The following RBMS2 variants were observed in gnomAD, a reference collection of about 807,000 sequenced individuals.
The protein encoded by RBMS2 is RNA binding motif single stranded interacting protein 2.
In RBMS2, 38 loss-of-function variants were observed where a neutral mutation model predicts 58.4. The observed-to-expected ratio is 0.65, with a 90% CI of 0.50 to 0.85. The LOEUF is 0.85. RBMS2 is among the 40% of genes least tolerant of loss of function. The probability of loss-of-function intolerance (pLI) is 0.00; values close to 1 mark genes in which losing one functional copy is unlikely to be tolerated. For synonymous variants in RBMS2, 151 were observed against 180.7 expected (o/e 0.84, Z 1.32); for missense variants, 367 against 503.7 (o/e 0.73, Z 2.60).
chr12:56,587,204 T>C (rs1050091428), intron 10 of RBMS2, among the ~76,000 whole-genome samples: 1 of 145,668 alleles, frequency 6.9e-6, no homozygotes, highest in African/African-American at 2.6e-5. Flanking sequence ...GAGGCAGAGG[T>C]TGCAGTGAGC....
Position 56,539,637 on chromosome 12 carries a change from A to C in RBMS2, c.66+17548A>C, listed in dbSNP as rs188817483. On this transcript the variant is annotated intron_variant, in intron 1 of 13. Transcript: ENST00000262031. ...TGTTTTCTTAGTTTTATTTTATATAATAGACAGTATTTTTACATACCAGTT... is the reference window on the plus strand; with the variant it reads ...TGTTTTCTTAGTTTTATTTTATATACTAGACAGTATTTTTACATACCAGTT... 805 of 445,390 alleles carry C rather than the reference A, an allele frequency of 1.8e-3. 7 individuals carry two copies. Among genetic ancestry groups the C allele is most frequent in the African/African-American group, 0.015 (745 of 49,252 alleles). 27.6% of individuals were successfully genotyped at this position (445,390 alleles called of 1,614,324 possible).
chr12:56,573,641 G>A (rs1160010447), intron 5 of RBMS2, among the ~76,000 whole-genome samples: 1 of 151,938 alleles, frequency 6.6e-6, no homozygotes, highest in Non-Finnish European at 1.5e-5. Flanking sequence ...TTGAGCAGAG[G>A]TTCTTAACCT....
intron 4 of RBMS2, among the ~76,000 whole-genome samples, chr12:56,570,274 A>G (rs1378571284): frequency 6.6e-6 from 1 of 152,064 alleles, no homozygotes; most frequent in Non-Finnish European, 1.5e-5. Flanking sequence ...CGTGTTCCCT[A>G]TATTATTCAC....
At chr12:56,568,333 C>A in intron 2 of RBMS2, among the ~76,000 whole-genome samples, 1 of 152,150 alleles carries the variant, frequency 6.6e-6, no homozygotes, top group East Asian at 1.9e-4. Context: ...AGCTCTGCCT[C>A]TACACACTCT....
chr12:56,532,214 T>C (rs2136257428), intron 1 of RBMS2, among the ~76,000 whole-genome samples: 1 of 150,736 alleles, frequency 6.6e-6, no homozygotes, highest in Middle Eastern at 3.4e-3. Flanking sequence ...AATGAAATTC[T>C]GTCTAAAAAT....
intron 5 of RBMS2, among the ~76,000 whole-genome samples, chr12:56,578,719 C>G (rs557920919): frequency 6.6e-6 from 1 of 152,022 alleles, no homozygotes; most frequent in East Asian, 1.9e-4. Context: ...AATCCCAGCA[C>G]TTTGGGAGGC....
intron 1 of RBMS2, among the ~76,000 whole-genome samples, chr12:56,547,174 A>G (rs1325591879): frequency 6.6e-6 from 1 of 151,602 alleles, no homozygotes; most frequent in Non-Finnish European, 1.5e-5. Flanking sequence ...AACATGGTGA[A>G]ACCCCATCTC....
intron 1 of RBMS2, among the ~76,000 whole-genome samples, chr12:56,531,613 G>A (rs568584071): frequency 1.3e-5 from 2 of 151,924 alleles, no homozygotes; most frequent in Admixed American, 1.3e-4. Flanking sequence ...CGGATCAGAG[G>A]TCAGGAGTTC....
At chr12:56,537,393 G>T (rs1252035001) in intron 1 of RBMS2, among the ~76,000 whole-genome samples, 1 of 152,044 alleles carries the variant, frequency 6.6e-6, no homozygotes, top group Non-Finnish European at 1.5e-5. Flanking sequence ...TCTACTTTCT[G>T]TCTCGATGAA....
intron 1 of RBMS2, among the ~76,000 whole-genome samples, chr12:56,525,459 C>G (rs1163465870): frequency 6.6e-6 from 1 of 151,100 alleles, no homozygotes; most frequent in African/African-American, 2.4e-5. Flanking sequence ...TGGCCTCAAG[C>G]AATCTGCCTG....
intron 1 of RBMS2, chr12:56,527,759 C>G (rs1303145319): frequency 2.7e-5 from 4 of 148,516 alleles, no homozygotes; most frequent in East Asian, 2.0e-4. Context: ...GCCACCCCCC[C>G]ACCATGCCCC....
chr12:56,539,054 T>A (rs560461464), intron 1 of RBMS2, among the ~76,000 whole-genome samples: 5 of 150,930 alleles, frequency 3.3e-5, no homozygotes, highest in African/African-American at 1.2e-4. Flanking sequence ...CTTGCTCTGG[T>A]GCCCAGGCTG....
chr12:56,566,131 C>A (rs1881299333), intron 2 of RBMS2, among the ~76,000 whole-genome samples: 1 of 152,174 alleles, frequency 6.6e-6, no homozygotes, highest in South Asian at 2.1e-4. Context: ...CTGTTCCCAG[C>A]TTTCAGGGCA....
intron 1 of RBMS2, among the ~76,000 whole-genome samples, chr12:56,529,978 TAGCTTACTAA>T (rs1299375591): frequency 6.6e-6 from 1 of 152,212 alleles, no homozygotes. Context: ...GGCACAATCA[TAGCTTACTAA>T]AGCCTCAAAC....
chr12:56,565,956 G>A (rs1303330223), intron 2 of RBMS2, among the ~76,000 whole-genome samples: 1 of 152,156 alleles, frequency 6.6e-6, no homozygotes, highest in Admixed American at 6.6e-5. Flanking sequence ...ACCACAGCAA[G>A]CTCCACCCTG....
intron 5 of RBMS2, chr12:56,580,250 TAACAC>T: frequency 2.6e-6 from 1 of 386,586 alleles, no homozygotes; most frequent in Non-Finnish European, 5.0e-6. Context: ...TTTTTTTTTT[TAACAC>T]AGATTCTCGC....
chr12:56,571,667 G>A, intron 4 of RBMS2, 31 bp from the exon 5 acceptor site: 7 of 1,491,966 alleles, frequency 4.7e-6, no homozygotes, highest in South Asian at 1.3e-5. Flanking sequence ...TAAGAGATGT[G>A]AGCCTCATTT....
chr12:56,590,392 T>A lies in RBMS2; in HGVS notation c.*1259T>A, dbSNP rs1885218337. The stretch of plus-strand genomic sequence containing the variant: ...GGCAACATCTAGAGACAGTTTTGAT[T>A]GCCACGCCTGGAGGTGGGATGTGTG... On this transcript the variant is annotated 3_prime_UTR_variant, in exon 14 of 14. Coordinates refer to ENST00000262031, the MANE Select transcript of RBMS2 (RefSeq NM_002898.4). 1 of 152,138 alleles carries A rather than the reference T, an allele frequency of 6.6e-6. No individual in the cohort carries two copies. Among genetic ancestry groups the A allele is most frequent in the African/African-American group, 2.4e-5 (1 of 41,398 alleles). The allele number at this position is 152,138 out of a possible 1,614,324, so 9.4% of individuals were successfully genotyped here. A position where few individuals can be genotyped will look rare whatever the true frequency, so the allele number is the denominator to read the frequency against.
At chr12:56,553,138 A>G (rs1433030031) in intron 1 of RBMS2, among the ~76,000 whole-genome samples, 2 of 151,614 alleles carry the variant, frequency 1.3e-5, no homozygotes, top group Non-Finnish European at 2.9e-5. Flanking sequence ...GCTAGTTTCC[A>G]ACTCCTGACC....
Sources: gnomAD v4.1 joint callset for allele counts (sites outside exome capture counted in the v4.1 genomes callset) on GRCh38, gnomAD v4.1.1 for gene constraint, MANE v1.5 for transcripts, NCBI Gene and HGNC (gene_info 2026-07-23, HGNC 2026-07-21) for gene names.